Variants in CFAP299 observed in about 807,000 individuals in gnomAD.
CFAP299 encodes cilia- and flagella-associated protein 299.
Under a neutral mutation model 27.0 loss-of-function variants are expected in CFAP299, and 21 were observed. The observed-to-expected ratio is 0.78, with a 90% CI of 0.55 to 1.12. The LOEUF is 1.12. Among genes scored for constraint, CFAP299 ranks in the 50% most tolerant of loss-of-function variants. The pLI, the probability that CFAP299 is intolerant of heterozygous loss-of-function variation, is 0.00. For missense variants in CFAP299, 310 were observed against 276.6 expected (o/e 1.12, Z -0.86); for synonymous variants, 104 against 98.1 (o/e 1.06, Z -0.36).
At chr4:80,619,611 G>A (rs1234919719) in intron 3 of CFAP299, among the ~76,000 whole-genome samples, 5 of 152,102 alleles carry the variant, frequency 3.3e-5, no homozygotes, top group African/African-American at 1.2e-4. Context: ...TACTGTTGAA[G>A]GGCTGAATAC....
At chr4:80,808,838 G>A (rs981028899) in intron 3 of CFAP299, among the ~76,000 whole-genome samples, 5 of 152,000 alleles carry the variant, frequency 3.3e-5, no homozygotes, top group African/African-American at 1.2e-4. Flanking sequence ...TCTTAATGTG[G>A]TCATGGTACA....
chr4:80,727,206 A>C (rs1224028989), intron 3 of CFAP299, among the ~76,000 whole-genome samples: 1 of 152,154 alleles, frequency 6.6e-6, no homozygotes, highest in Non-Finnish European at 1.5e-5. Flanking sequence ...GACATAGCCC[A>C]GAATTCCAGG....
intron 2 of CFAP299, among the ~76,000 whole-genome samples, chr4:80,571,692 A>G (rs935679039): frequency 6.6e-6 from 1 of 151,864 alleles, no homozygotes; most frequent in Non-Finnish European, 1.5e-5. Context: ...ATGACATCAT[A>G]AGGGTTGGGC....
chr4:80,739,097 A>T (rs1177581993), intron 3 of CFAP299, among the ~76,000 whole-genome samples: 1 of 151,902 alleles, frequency 6.6e-6, no homozygotes, highest in Non-Finnish European at 1.5e-5. Flanking sequence ...CTTTCTCTTT[A>T]TGTATTATTG....
chr4:80,335,091 A>G (rs1722071049), upstream of CFAP299, among the ~76,000 whole-genome samples: 1 of 152,250 alleles, frequency 6.6e-6, no homozygotes, highest in Admixed American at 6.5e-5. Context: ...ACTTTATTTA[A>G]TAAGATTTCA....
At chr4:80,896,124 T>A (rs2110190944) in intron 4 of CFAP299, among the ~76,000 whole-genome samples, 1 of 152,182 alleles carries the variant, frequency 6.6e-6, no homozygotes, top group Non-Finnish European at 1.5e-5. Context: ...TACAAAATAG[T>A]ACATGCTCTC....
chr4:80,386,674 G>A (rs954452011), intron 2 of CFAP299: 55 of 1,582,498 alleles, frequency 3.5e-5, no homozygotes, highest in African/African-American at 2.7e-4. Context: ...CGGCGAGGTG[G>A]GCACGGCGGC....
intron 3 of CFAP299, among the ~76,000 whole-genome samples, chr4:80,730,518 G>C (rs1349070139): frequency 6.7e-6 from 1 of 149,754 alleles, no homozygotes; most frequent in Non-Finnish European, 1.5e-5. Flanking sequence ...GTGGCTACCA[G>C]CTAAGCTGAT....
intron 2 of CFAP299, among the ~76,000 whole-genome samples, chr4:80,409,831 G>C (rs1387675622): frequency 1.3e-5 from 2 of 152,160 alleles, no homozygotes; most frequent in African/African-American, 4.8e-5. Flanking sequence ...TGGAAAAAAA[G>C]GGCAAGCACA....
At chr4:80,785,858 A>G (rs1270206857) in intron 3 of CFAP299, among the ~76,000 whole-genome samples, 1 of 152,158 alleles carries the variant, frequency 6.6e-6, no homozygotes, top group Admixed American at 6.6e-5. Context: ...GGTTTCATCA[A>G]TTTAGGAAAG....
chr4:80,690,223 A>G (rs941767001), intron 3 of CFAP299, among the ~76,000 whole-genome samples: 60 of 150,864 alleles, frequency 4.0e-4, no homozygotes, highest in Admixed American at 9.2e-4. Context: ...TCTCCACCCC[A>G]AATCAACAGA....
chr4:80,643,153 A>T (rs758948674), intron 3 of CFAP299, among the ~76,000 whole-genome samples: 16 of 152,074 alleles, frequency 1.1e-4, no homozygotes, highest in Non-Finnish European at 2.1e-4. Flanking sequence ...TAAATACATG[A>T]GAGAAGTAAA....
chr4:80,692,893 A>G (rs1195114663), intron 3 of CFAP299, among the ~76,000 whole-genome samples: 1 of 152,006 alleles, frequency 6.6e-6, no homozygotes, highest in Non-Finnish European at 1.5e-5. Context: ...GAAGGACATG[A>G]ACAGACGCTT....
chr4:80,378,110 G>C (rs1265201226), intron 2 of CFAP299, among the ~76,000 whole-genome samples: 1 of 152,076 alleles, frequency 6.6e-6, no homozygotes, highest in Non-Finnish European at 1.5e-5. Context: ...TTTGGGTGGG[G>C]GCACAGCCAA....
intron 2 of CFAP299, among the ~76,000 whole-genome samples, chr4:80,429,018 G>A (rs536449724): frequency 7.9e-5 from 12 of 152,278 alleles, no homozygotes; most frequent in African/African-American, 2.6e-4. Context: ...TATGGGATGA[G>A]CATTTGACAA....
intron 4 of CFAP299, among the ~76,000 whole-genome samples, chr4:80,905,397 A>G (rs143316644): frequency 5.9e-5 from 9 of 152,232 alleles, no homozygotes; most frequent in South Asian, 2.1e-4. Context: ...CTTTTCCTCA[A>G]CGTAGACTAC....
chr4:80,661,182 C>T (rs545325504), intron 3 of CFAP299, among the ~76,000 whole-genome samples: 10 of 151,980 alleles, frequency 6.6e-5, no homozygotes, highest in East Asian at 1.9e-4. Context: ...AAAAATTAAT[C>T]GGATGTGGTT....
chr4:80,772,111 T>C (rs1270524552), intron 3 of CFAP299, among the ~76,000 whole-genome samples: 2 of 152,162 alleles, frequency 1.3e-5, no homozygotes, highest in African/African-American at 2.4e-5. Context: ...GGAATAATAA[T>C]ACAGGATTCA....
chr4:80,457,281 G>A (rs80353077), intron 2 of CFAP299, among the ~76,000 whole-genome samples: 3,209 of 152,210 alleles, frequency 0.021, 49 homozygotes, highest in Middle Eastern at 0.051. Context: ...ATTAGCCTAC[G>A]TCCTAATAAC....
Sources: allele counts gnomAD v4.1 joint callset (sites outside exome capture counted in the v4.1 genomes callset), GRCh38; gene constraint gnomAD v4.1.1; transcripts MANE v1.5; gene names NCBI Gene and HGNC (gene_info 2026-07-23, HGNC 2026-07-21).